EAPP: variants seen among roughly 807,000 people sequenced by gnomAD.
EAPP encodes E2F-associated phosphoprotein.
Under a neutral mutation model 34.3 loss-of-function variants are expected in EAPP, and 38 were observed. The observed-to-expected ratio is 1.11, with a 90% CI of 0.85 to 1.45. The LOEUF (loss-of-function observed/expected upper bound fraction) is 1.45. Among genes scored for constraint, EAPP ranks in the 40% most tolerant of loss-of-function variants. EAPP has a pLI of 0.00. For synonymous variants in EAPP, 113 were observed against 117.6 expected, an observed-to-expected ratio of 0.96 and a Z score of 0.25; for missense variants, 338 against 343.7, an observed-to-expected ratio of 0.98 and a Z score of 0.13.
chr14:34,537,990 C>T (rs1234607009), intron 1 of EAPP, among the ~76,000 whole-genome samples: 1 of 152,180 alleles, frequency 6.6e-6, no homozygotes, highest in African/African-American at 2.4e-5. Flanking sequence ...ACAGGCAATA[C>T]TGTCTGATAA....
chr14:34,536,471 T>TG (rs1880481362), intron 1 of EAPP, 196 bp from the exon 2 acceptor site: 1 of 372,960 alleles, frequency 2.7e-6, no homozygotes, highest in East Asian at 5.2e-5. Flanking sequence ...TTTTTTTTTT[T>TG]TTTTTTTTTT....
chr14:34,523,509 G>C lies in EAPP; in HGVS notation c.581+1188C>G, dbSNP rs182267016. Among the ~76,000 whole-genome samples, 989 of 147,070 alleles carry C rather than the reference G, an allele frequency of 6.7e-3. 12 individuals carry two copies. Among genetic ancestry groups the C allele is most frequent in the African/African-American group, 0.024 (942 of 39,808 alleles). Reference sequence around the variant, plus strand: ...CAAAGTGCTGGGATTACAGGCGTGAGCCACCACGCCCAGCCCGTTTTTTTT... The same window carrying C: ...CAAAGTGCTGGGATTACAGGCGTGACCCACCACGCCCAGCCCGTTTTTTTT... On this transcript the variant is annotated intron_variant, in intron 5 of 5. Coordinates refer to ENST00000250454, the MANE Select transcript of EAPP (RefSeq NM_018453.4).
At chr14:34,524,872 T>A (rs1880045820) in intron 4 of EAPP, 65 bp from the exon 5 acceptor site, 2 of 1,300,584 alleles carry the variant, frequency 1.5e-6, no homozygotes, top group African/African-American at 2.9e-5. Context: ...TCTAGTGTCA[T>A]TTTCCAATAA....
At chr14:34,531,583 T>A (rs1226643985) in intron 3 of EAPP, among the ~76,000 whole-genome samples, 1 of 150,508 alleles carries the variant, frequency 6.6e-6, no homozygotes, top group African/African-American at 2.4e-5. Context: ...GCCTGGGCGA[T>A]AGAGCGAGAC....
intron 4 of EAPP, among the ~76,000 whole-genome samples, chr14:34,525,423 G>T (rs7154505): frequency 0.82 from 124,100 of 152,028 alleles, 50,881 homozygotes; most frequent in Non-Finnish European, 0.85. Flanking sequence ...TATAATGTGA[G>T]GAAAATGGCT....
At chr14:34,533,593 CA>C (rs1880367932) in intron 2 of EAPP, 54 bp from the exon 3 acceptor site, 7 of 1,133,346 alleles carry the variant, frequency 6.2e-6, no homozygotes, top group Non-Finnish European at 8.8e-6. Context: ...ATTCACAAGG[CA>C]AAAAACTCCA....
At position 34,524,653 on chromosome 14, in the gene EAPP, A is replaced by ATG. The variant is rs111420332; in HGVS notation, c.581+42_581+43dup. ...AGTCTGTTTCTAATTTAAACAAAAT[A>ATG]TGTATGTGTGTGTGTGTGTGTGTGT... is the stretch of plus-strand genomic sequence containing the variant. On this transcript the variant is annotated intron_variant, in intron 5 of 5. Coordinates refer to ENST00000250454, the MANE Select transcript of EAPP (RefSeq NM_018453.4). 1.5e-4 allele frequency: 135 copies of ATG among 875,792 alleles called. 1 individual carries two copies. Among genetic ancestry groups the ATG allele is most frequent in the African/African-American group, 4.8e-4 (24 of 50,470 alleles). 54.3% of individuals were successfully genotyped at this position (875,792 alleles called of 1,614,324 possible). A position where few individuals can be genotyped will look rare whatever the true frequency, so the allele number is the denominator to read the frequency against.
chr14:34,532,566 G>A (rs1334490939), intron 3 of EAPP, among the ~76,000 whole-genome samples: 1 of 152,016 alleles, frequency 6.6e-6, no homozygotes, highest in Non-Finnish European at 1.5e-5. Context: ...GGGGGGAAAA[G>A]CCCTGAGGAG....
At chr14:34,517,681 A>C (rs1054382161) in intron 5 of EAPP, among the ~76,000 whole-genome samples, 1 of 151,888 alleles carries the variant, frequency 6.6e-6, no homozygotes, top group African/African-American at 2.4e-5. Flanking sequence ...TAATTTCATT[A>C]ATCTTCTGGC....
At chr14:34,525,105 A>G (rs56801633) in intron 4 of EAPP, among the ~76,000 whole-genome samples, 56,270 of 151,996 alleles carry the variant, frequency 0.37, 12,108 homozygotes, top group East Asian at 0.68. Context: ...ATTACAACCC[A>G]AAGTATAAAT....
At chr14:34,536,483 G>A in intron 1 of EAPP, 1 of 175,870 alleles carries the variant, frequency 5.7e-6, no homozygotes. Flanking sequence ...TTTTTTTTTT[G>A]AGATGGCATC....
chr14:34,525,558 A>G lies in EAPP; in HGVS notation c.471-751T>C, dbSNP rs1880066652. Among the ~76,000 whole-genome samples the G allele has an allele frequency of 2.0e-5, 3 of 152,310 alleles. No individual in the cohort carries two copies. In the South Asian group the frequency reaches 6.2e-4, roughly 32 times the overall value. On this transcript the variant is annotated intron_variant, in intron 4 of 5. Coordinates refer to ENST00000250454, the MANE Select transcript of EAPP (RefSeq NM_018453.4). ...CTGATTAGTGCTCCTCAAAGTAATT[A>G]AGGGCACTGAAAACAAGGAAAGTCT... is the stretch of plus-strand genomic sequence containing the variant.
chr14:34,535,294 T>C (rs1261040257), intron 2 of EAPP, among the ~76,000 whole-genome samples: 3 of 151,116 alleles, frequency 2.0e-5, no homozygotes, highest in African/African-American at 7.3e-5. Context: ...CACACCCAAC[T>C]AATTTTTGTA....
chr14:34,527,978 A>AT (rs1566447920), intron 4 of EAPP, among the ~76,000 whole-genome samples: 1 of 151,958 alleles, frequency 6.6e-6, no homozygotes, highest in Non-Finnish European at 1.5e-5. Flanking sequence ...CTCAAAAAAA[A>AT]TTTTTAACTG....
chr14:34,524,602 TA>T, intron 5 of EAPP, 94 bp downstream of exon 5: 1 of 938,328 alleles, frequency 1.1e-6, no homozygotes, highest in East Asian at 2.6e-5. Context: ...GGCAACAGAG[TA>T]AGACTCTGAC....
At chr14:34,528,083 C>A (rs1400743137) in intron 4 of EAPP, among the ~76,000 whole-genome samples, 4 of 145,510 alleles carry the variant, frequency 2.7e-5, no homozygotes, top group Admixed American at 7.1e-5. Flanking sequence ...ATTCAGTCGA[C>A]CAGGCTGGAG....
intron 5 of EAPP, among the ~76,000 whole-genome samples, chr14:34,522,206 C>T (rs991905361): frequency 6.6e-6 from 1 of 152,114 alleles, no homozygotes; most frequent in Non-Finnish European, 1.5e-5. Context: ...GCCATCCTCC[C>T]AGCTTGGCCT....
At chr14:34,517,806 G>A (rs962175350) in intron 5 of EAPP, among the ~76,000 whole-genome samples, 17 of 148,510 alleles carry the variant, frequency 1.1e-4, no homozygotes, top group African/African-American at 3.5e-4. Flanking sequence ...ATGGAGTCTC[G>A]CTCTGTCACC....
chr14:34,529,450 C>T lies in EAPP; in HGVS notation c.378G>A (p.Lys126=). The part of the protein sequence containing the change: ...RAVQVTKKKK[K]KQHKIPTNDE... Reference sequence around the variant, plus strand: ...CATTTGTTGGAATCTTGTGTTGTTTCTTCTTTTTTTTCTTGGTCACCTGTA... The same window carrying T: ...CATTTGTTGGAATCTTGTGTTGTTTTTTCTTTTTTTTCTTGGTCACCTGTA... The change falls in exon 4 of 6, where the codon AAG becomes AAA. Residue 126 remains lysine, a synonymous_variant. Coordinates refer to ENST00000250454, the MANE Select transcript of EAPP (RefSeq NM_018453.4). The T allele has an allele frequency of 6.2e-7, 1 of 1,612,186 alleles. No homozygotes were observed.
Sources: gnomAD v4.1 joint callset for allele counts (sites outside exome capture counted in the v4.1 genomes callset) on GRCh38, gnomAD v4.1.1 for gene constraint, MANE v1.5 for transcripts, NCBI Gene and HGNC (gene_info 2026-07-23, HGNC 2026-07-21) for gene names.